The following UBE2QL1 variants were observed in gnomAD, a reference collection of about 807,000 sequenced individuals.
The protein encoded by UBE2QL1 is ubiquitin-conjugating enzyme E2Q-like protein 1.
In UBE2QL1, 5 loss-of-function variants were observed where a neutral mutation model predicts 12.6. That is an observed-to-expected ratio of 0.40 (90% CI 0.21 to 0.83). UBE2QL1 has a LOEUF of 0.83. Ranked by LOEUF, UBE2QL1 falls within the 40% of genes least tolerant of loss-of-function variation. The pLI, the probability that UBE2QL1 is intolerant of heterozygous loss-of-function variation, is 0.37. For synonymous variants in UBE2QL1, 96 were observed against 94.5 expected (o/e 1.02, Z -0.10); for missense variants, 99 against 222.6 (o/e 0.44, Z 3.53).
At position 6,478,607 on chromosome 5, in the gene UBE2QL1, T is replaced by C. The variant is rs1457020151; in HGVS notation, c.355-12611T>C. Reference sequence around the variant, plus strand: ...TTCCTGTCACATTTCCTAGTGACATTCTTGGTCTCTTTCGGTTTTTTTTTT... The same window carrying C: ...TTCCTGTCACATTTCCTAGTGACATCCTTGGTCTCTTTCGGTTTTTTTTTT... On this transcript the variant is annotated intron_variant, in intron 1 of 1. Transcript: ENST00000399816. This position sits in a 1 kb window ranked among gnomAD's most constrained non-coding sequence, Gnocchi z 4.5. 6.6e-6 allele frequency among the ~76,000 whole-genome samples: 1 copy of C among 151,438 alleles called. No homozygotes were observed. Among genetic ancestry groups the C allele is most frequent in the Non-Finnish European group, 1.5e-5 (1 of 67,844 alleles).
intron 1 of UBE2QL1, among the ~76,000 whole-genome samples, chr5:6,482,671 A>G (rs938436803): frequency 4.6e-5 from 7 of 152,062 alleles, no homozygotes; most frequent in African/African-American, 1.7e-4. Flanking sequence ...GGTTGCCACC[A>G]CTCGGGAGAG....
At chr5:6,456,694 G>C (rs1303047028) in intron 1 of UBE2QL1, among the ~76,000 whole-genome samples, 4 of 152,132 alleles carry the variant, frequency 2.6e-5, no homozygotes, top group Non-Finnish European at 5.9e-5. Context: ...ACCCTCCCCT[G>C]GTCCTCTCCC....
At position 6,448,885 on chromosome 5, in the gene UBE2QL1, C is replaced by T. The variant is rs1168878232; in HGVS notation, c.-9C>T. On this transcript the variant is annotated 5_prime_UTR_variant, in exon 1 of 2. Coordinates refer to ENST00000399816, the MANE Select transcript of UBE2QL1 (RefSeq NM_001145161.3). ...GCAACACTGCACGCAGGTGCGCAGC[C>T]GGCGGCTCATGAAGGAGCTGCAGGA... The T allele has an allele frequency of 2.0e-6, 3 of 1,499,738 alleles. No individual in the cohort carries two copies. The highest frequency in any genetic ancestry group is 1.3e-5 in the South Asian group (1 of 78,088). The allele number at this position is 1,499,738 out of a possible 1,614,324, so 92.9% of individuals were successfully genotyped here. A position where few individuals can be genotyped will look rare whatever the true frequency, so the allele number is the denominator to read the frequency against.
At chr5:6,453,129 A>G (rs1027947306) in intron 1 of UBE2QL1, among the ~76,000 whole-genome samples, 2 of 152,228 alleles carry the variant, frequency 1.3e-5, no homozygotes, top group African/African-American at 4.8e-5. Context: ...ACTCTGGGCC[A>G]GCAGAGAACA....
In UBE2QL1 at chr5:6,466,077, G is replaced by A. The variant is rs1259031205; in HGVS notation, c.354+16830G>A. Among the ~76,000 whole-genome samples the A allele has an allele frequency of 2.0e-5, 3 of 151,870 alleles. No homozygotes were observed. In the East Asian group the frequency reaches 5.8e-4, roughly 30 times the overall value. On this transcript the variant is annotated intron_variant, in intron 1 of 1. Coordinates refer to ENST00000399816, the MANE Select transcript of UBE2QL1 (RefSeq NM_001145161.3). ...TCCCTCTGCCCCTGCCACCCTCCCAGGGCCCTGAGCAGTGCGGGGAGGCAT... is the reference window on the plus strand; with the variant it reads ...TCCCTCTGCCCCTGCCACCCTCCCAAGGCCCTGAGCAGTGCGGGGAGGCAT...
intron 1 of UBE2QL1, among the ~76,000 whole-genome samples, chr5:6,483,163 C>T (rs944889479): frequency 6.6e-6 from 1 of 152,162 alleles, no homozygotes; most frequent in Admixed American, 6.5e-5. Context: ...TGGCCAGGTG[C>T]GGTGGCTCAT....
chr5:6,495,236 C>T lies in UBE2QL1; in HGVS notation c.*3887C>T, dbSNP rs977191580. 2.6e-5 allele frequency among the ~76,000 whole-genome samples: 4 copies of T among 152,188 alleles called. No individual in the cohort carries two copies. Among genetic ancestry groups the T allele is most frequent in the Admixed American group, 1.3e-4 (2 of 15,286 alleles). Reference sequence around the variant, plus strand: ...GGAGCTGATTTCAGGAAGCAGGACACGGTCCCACCTGACAGCCTAGCCTGG... The same window carrying T: ...GGAGCTGATTTCAGGAAGCAGGACATGGTCCCACCTGACAGCCTAGCCTGG... On this transcript the variant is annotated 3_prime_UTR_variant, in exon 2 of 2. Coordinates refer to ENST00000399816, the MANE Select transcript of UBE2QL1 (RefSeq NM_001145161.3).
At chr5:6,451,782 C>T (rs538301723) in intron 1 of UBE2QL1, among the ~76,000 whole-genome samples, 2 of 152,158 alleles carry the variant, frequency 1.3e-5, no homozygotes, top group Non-Finnish European at 2.9e-5. Flanking sequence ...TTTCAGGTAA[C>T]CTGAGGTTGA....
Position 6,481,503 on chromosome 5 carries a change from C to T in UBE2QL1, c.355-9715C>T, listed in dbSNP as rs115431952. On this transcript the variant is annotated intron_variant, in intron 1 of 1. Coordinates refer to ENST00000399816, the MANE Select transcript of UBE2QL1 (RefSeq NM_001145161.3). The surrounding 1 kb of genome is among the most constrained non-coding windows in gnomAD (Gnocchi z 4.5). ...CCGCACACCTCTCCCTGCAGAACCACATCATTTAGGTTCCCTGGTGTGAGC... is the reference window on the plus strand; with the variant it reads ...CCGCACACCTCTCCCTGCAGAACCATATCATTTAGGTTCCCTGGTGTGAGC... Among the ~76,000 whole-genome samples, 722 of 152,350 alleles carry T rather than the reference C, an allele frequency of 4.7e-3. 4 individuals carry two copies. The highest frequency in any genetic ancestry group is 6.9e-3 in the Non-Finnish European group (470 of 68,034).
intron 1 of UBE2QL1, among the ~76,000 whole-genome samples, chr5:6,452,716 T>C (rs777751365): frequency 6.6e-6 from 1 of 152,228 alleles, no homozygotes; most frequent in Non-Finnish European, 1.5e-5. Flanking sequence ...ATTTTCGGAC[T>C]CTGTAAACCT....
At chr5:6,461,080 G>T (rs997051360) in intron 1 of UBE2QL1, among the ~76,000 whole-genome samples, 4 of 152,170 alleles carry the variant, frequency 2.6e-5, no homozygotes, top group African/African-American at 7.2e-5. Context: ...TTTTACGAAA[G>T]ATCCTTTCTT....
rs180794305 is a variant in UBE2QL1 at position 6,479,184 on chromosome 5, C to A, written c.355-12034C>A. Among the ~76,000 whole-genome samples the A allele has an allele frequency of 6.6e-6, 1 of 150,498 alleles. No homozygotes were observed. The highest frequency in any genetic ancestry group is 2.5e-5 in the African/African-American group (1 of 40,814). ...AGTCCCACCTGCCGGAACAAGAGGG[C>A]GAAAGTGAGAATTAAGCCACCGAGA... On this transcript the variant is annotated intron_variant, in intron 1 of 1. Coordinates refer to ENST00000399816, the MANE Select transcript of UBE2QL1 (RefSeq NM_001145161.3). This position sits in a 1 kb window ranked among gnomAD's most constrained non-coding sequence, Gnocchi z 4.2.
At chr5:6,454,361 T>C (rs1739473807) in intron 1 of UBE2QL1, among the ~76,000 whole-genome samples, 1 of 152,192 alleles carries the variant, frequency 6.6e-6, no homozygotes, top group Non-Finnish European at 1.5e-5. Context: ...TGTGTGTGTC[T>C]GTGTCCTAAT....
chr5:6,489,978 G>T (rs1211244504), intron 1 of UBE2QL1, among the ~76,000 whole-genome samples: 3 of 152,226 alleles, frequency 2.0e-5, no homozygotes, highest in African/African-American at 7.2e-5. Context: ...GTTCGCGAAG[G>T]TTCCTGAACA....
At chr5:6,482,929 C>A (rs1277284071) in intron 1 of UBE2QL1, among the ~76,000 whole-genome samples, 5 of 152,194 alleles carry the variant, frequency 3.3e-5, no homozygotes, top group Admixed American at 1.3e-4. Flanking sequence ...GCAGAGATGC[C>A]AGATGTTTTC....
intron 1 of UBE2QL1, among the ~76,000 whole-genome samples, chr5:6,472,877 C>A (rs1203594275): frequency 1.3e-5 from 2 of 152,210 alleles, no homozygotes; most frequent in African/African-American, 4.8e-5. Context: ...CTCCCACTGG[C>A]TTTAGAGCTT....
intron 1 of UBE2QL1, among the ~76,000 whole-genome samples, chr5:6,467,666 T>C (rs1739825636): frequency 1.3e-4 from 1 of 7,480 alleles, no homozygotes; most frequent in Non-Finnish European, 4.9e-3. Flanking sequence ...ACGTATGAGT[T>C]TGTTCATTTG....
At chr5:6,456,597 C>T (rs766218795) in intron 1 of UBE2QL1, among the ~76,000 whole-genome samples, 23 of 152,218 alleles carry the variant, frequency 1.5e-4, no homozygotes, top group Non-Finnish European at 3.1e-4. Flanking sequence ...TTGTTACACA[C>T]ATCATTCATT....
At chr5:6,466,304 G>A (rs541799780) in intron 1 of UBE2QL1, among the ~76,000 whole-genome samples, 133 of 152,264 alleles carry the variant, frequency 8.7e-4, no homozygotes, top group Non-Finnish European at 1.6e-3. Context: ...AGCTGCTCAC[G>A]AGCCCCTCAC....
Sources: gnomAD v4.1 joint callset for allele counts (sites outside exome capture counted in the v4.1 genomes callset) on GRCh38, gnomAD v4.1.1 for gene constraint, Gnocchi (gnomAD v3.1) non-coding constraint, MANE v1.5 for transcripts, NCBI Gene and HGNC (gene_info 2026-07-23, HGNC 2026-07-21) for gene names.